Variants in MVB12B observed in about 807,000 individuals in gnomAD.
The protein encoded by MVB12B is multivesicular body subunit 12B.
MVB12B carries 16 observed loss-of-function variants against 41.6 expected under a neutral mutation model. The observed-to-expected ratio is 0.38, with a 90% CI of 0.26 to 0.58. The LOEUF (loss-of-function observed/expected upper bound fraction) is 0.58, where lower values mean the gene tolerates loss of function less well. Among genes scored for constraint, MVB12B ranks in the 20% least tolerant of loss-of-function variants. The pLI is 0.62. For synonymous variants in MVB12B, 133 were observed against 139.7 expected (o/e 0.95, Z 0.34); for missense variants, 274 against 380.2 (o/e 0.72, Z 2.32).
chr9:126,424,694 C>T (rs1009092740), intron 7 of MVB12B, among the ~76,000 whole-genome samples: 1 of 152,260 alleles, frequency 6.6e-6, no homozygotes, highest in Non-Finnish European at 1.5e-5. Flanking sequence ...TCGTATCTCT[C>T]TCTTGCCCAC....
In MVB12B at chr9:126,486,244, G is replaced by A. The variant is rs1424816157; in HGVS notation, c.873+2212G>A. On this transcript the variant is annotated intron_variant, in intron 9 of 9. Coordinates refer to ENST00000361171, the MANE Select transcript of MVB12B (RefSeq NM_033446.3). The surrounding 1 kb of genome is among the most constrained non-coding windows in gnomAD (Gnocchi z 4.7). ...GCTGGGACATTAGAAACATAGGTGTGCATAAAATTTCACACCTGCCCTTCT... is the reference window on the plus strand; with the variant it reads ...GCTGGGACATTAGAAACATAGGTGTACATAAAATTTCACACCTGCCCTTCT... 6.6e-6 allele frequency among the ~76,000 whole-genome samples: 1 copy of A among 152,046 alleles called. No individual in the cohort carries two copies. Among genetic ancestry groups the A allele is most frequent in the Non-Finnish European group, 1.5e-5 (1 of 68,018 alleles).
intron 9 of MVB12B, among the ~76,000 whole-genome samples, chr9:126,491,864 A>G (rs1833738668): frequency 6.6e-6 from 1 of 152,174 alleles, no homozygotes; most frequent in African/African-American, 2.4e-5. Flanking sequence ...CCACCGCTTC[A>G]TAGACTCTAC....
At chr9:126,489,661 A>C (rs887652) in intron 9 of MVB12B, among the ~76,000 whole-genome samples, 4,335 of 152,270 alleles carry the variant, frequency 0.028, 194 homozygotes, top group African/African-American at 0.096. Flanking sequence ...AAACGCCGTC[A>C]CCCTGCTGGC....
At chr9:126,414,000 A>G (rs1026640228) in intron 6 of MVB12B, among the ~76,000 whole-genome samples, 1 of 152,210 alleles carries the variant, frequency 6.6e-6, no homozygotes, top group African/African-American at 2.4e-5. Context: ...TCTTCATTAT[A>G]TGTGGCCACT....
intron 6 of MVB12B, among the ~76,000 whole-genome samples, chr9:126,401,260 T>C (rs1831260980): frequency 6.6e-6 from 1 of 152,236 alleles, no homozygotes. Flanking sequence ...CAGGAGCCTC[T>C]TGGAGTGTCA....
At chr9:126,427,410 A>G (rs538382397) in intron 7 of MVB12B, among the ~76,000 whole-genome samples, 1 of 152,232 alleles carries the variant, frequency 6.6e-6, no homozygotes, top group East Asian at 1.9e-4. Flanking sequence ...GCTGCCCCAG[A>G]GGCTTCCTAT....
intron 4 of MVB12B, among the ~76,000 whole-genome samples, chr9:126,387,222 G>A (rs139949728): frequency 3.9e-4 from 59 of 152,252 alleles, no homozygotes; most frequent in Middle Eastern, 3.4e-3. Context: ...TGGAGCCCTT[G>A]GAGCTTCTTG....
chr9:126,336,343 C>T, intron 1 of MVB12B, among the ~76,000 whole-genome samples: 1 of 152,252 alleles, frequency 6.6e-6, no homozygotes, highest in Non-Finnish European at 1.5e-5. Context: ...GGCCGGGAGG[C>T]ACACCTTTGA....
chr9:126,458,339 C>A (rs1389677241), intron 7 of MVB12B, among the ~76,000 whole-genome samples: 1 of 152,212 alleles, frequency 6.6e-6, no homozygotes, highest in Non-Finnish European at 1.5e-5. Context: ...CCACACCACA[C>A]GTTTGTGTGT....
intron 7 of MVB12B, among the ~76,000 whole-genome samples, chr9:126,431,077 C>T (rs533971845): frequency 1.3e-5 from 2 of 152,224 alleles, no homozygotes; most frequent in Non-Finnish European, 2.9e-5. Context: ...ACATGGGACA[C>T]GCTGGCTTGG....
At chr9:126,467,645 G>T (rs1263993421) in intron 7 of MVB12B, among the ~76,000 whole-genome samples, 2 of 152,184 alleles carry the variant, frequency 1.3e-5, no homozygotes, top group African/African-American at 2.4e-5. Context: ...TATTGGTATG[G>T]ACTAGGGTAT....
In MVB12B at chr9:126,367,123, T is replaced by C. The variant is rs989724809; in HGVS notation, c.205-13941T>C. Among the ~76,000 whole-genome samples, 4 of 152,076 alleles carry C rather than the reference T, an allele frequency of 2.6e-5. No homozygotes were observed. Among genetic ancestry groups the C allele is most frequent in the Admixed American group, 2.6e-4 (4 of 15,276 alleles). On this transcript the variant is annotated intron_variant, in intron 2 of 9. Coordinates refer to ENST00000361171, the MANE Select transcript of MVB12B (RefSeq NM_033446.3). The surrounding 1 kb of genome is among the most constrained non-coding windows in gnomAD (Gnocchi z 4.3). ...TGTCTCTGCTACCAGCTGGATAAGG[T>C]CCTCACAAGTCTTGACGCGGGTAGT... is the stretch of plus-strand genomic sequence containing the variant.
intron 6 of MVB12B, among the ~76,000 whole-genome samples, chr9:126,414,207 G>A (rs1831740054): frequency 6.6e-6 from 1 of 152,200 alleles, no homozygotes; most frequent in Non-Finnish European, 1.5e-5. Flanking sequence ...CAGCTTAGTG[G>A]CCATGTTAAT....
intron 6 of MVB12B, among the ~76,000 whole-genome samples, chr9:126,420,077 G>C (rs887660): frequency 1 from 151,639 of 152,336 alleles, 75,479 homozygotes; most frequent in Middle Eastern, 1. Context: ...GCCTTTCACT[G>C]CCATAACACC....
At chr9:126,498,734 C>T (rs1178683909) in intron 9 of MVB12B, among the ~76,000 whole-genome samples, 2 of 152,212 alleles carry the variant, frequency 1.3e-5, no homozygotes, top group South Asian at 2.1e-4. Flanking sequence ...CTGCAAAGCT[C>T]GGGTGCTGGG....
chr9:126,469,034 G>C (rs1247895099), intron 7 of MVB12B, among the ~76,000 whole-genome samples: 1 of 152,222 alleles, frequency 6.6e-6, no homozygotes, highest in Non-Finnish European at 1.5e-5. Flanking sequence ...ATTCTGGCCA[G>C]CTGTAGTGGC....
rs752837230 is a variant in MVB12B at position 126,473,514 on chromosome 9, G to C, written c.758-7855G>C. On this transcript the variant is annotated intron_variant, in intron 7 of 9. Coordinates refer to ENST00000361171, the MANE Select transcript of MVB12B (RefSeq NM_033446.3). This position sits in a 1 kb window ranked among gnomAD's most constrained non-coding sequence, Gnocchi z 4.0. The stretch of plus-strand genomic sequence containing the variant: ...GCATGGCAGCATCTGCTTCTGGGGA[G>C]CCCTCAGGAAGCTTCCAATCATAGT... 1.3e-5 allele frequency among the ~76,000 whole-genome samples: 2 copies of C among 152,206 alleles called. No individual in the cohort carries two copies. Among genetic ancestry groups the C allele is most frequent in the African/African-American group, 4.8e-5 (2 of 41,446 alleles).
intron 7 of MVB12B, among the ~76,000 whole-genome samples, chr9:126,460,297 G>A (rs1015360371): frequency 6.6e-6 from 1 of 152,136 alleles, no homozygotes; most frequent in African/African-American, 2.4e-5. Context: ...ACAGGCACTC[G>A]GGCCTCAGTG....
At chr9:126,427,311 G>A (rs1469260733) in intron 7 of MVB12B, among the ~76,000 whole-genome samples, 1 of 152,122 alleles carries the variant, frequency 6.6e-6, no homozygotes, top group South Asian at 2.1e-4. Context: ...CTTGTGGTGG[G>A]TGTCAGGCAC....
Sources: gnomAD v4.1 joint callset for allele counts (sites outside exome capture counted in the v4.1 genomes callset) on GRCh38, gnomAD v4.1.1 for gene constraint, Gnocchi (gnomAD v3.1) non-coding constraint, MANE v1.5 for transcripts, NCBI Gene and HGNC (gene_info 2026-07-23, HGNC 2026-07-21) for gene names.